The following PEMT variants were observed in gnomAD, a reference collection of about 807,000 sequenced individuals.
PEMT encodes phospholipid methyltransferase.
Under a neutral mutation model 27.4 loss-of-function variants are expected in PEMT, and 23 were observed. That is an observed-to-expected ratio of 0.84 (90% CI 0.60 to 1.19). The LOEUF is 1.19. PEMT is among the 50% of genes most tolerant of loss of function. The pLI, the probability that PEMT is intolerant of heterozygous loss-of-function variation, is 0.00. For synonymous variants in PEMT, 137 were observed against 139.1 expected, an observed-to-expected ratio of 0.98 and a Z score of 0.11; for missense variants, 307 against 310.1, an observed-to-expected ratio of 0.99 and a Z score of 0.07.
At chr17:17,576,441 C>T (rs1911594457) in intron 2 of PEMT, among the ~76,000 whole-genome samples, 2 of 152,222 alleles carry the variant, frequency 1.3e-5, no homozygotes, top group African/African-American at 4.8e-5. Flanking sequence ...AATGCGCAGG[C>T]CGTTTTGCAG....
chr17:17,573,123 A>G (rs1015776802), intron 2 of PEMT, among the ~76,000 whole-genome samples: 48 of 151,996 alleles, frequency 3.2e-4, no homozygotes, highest in Non-Finnish European at 3.7e-4. Context: ...TGGGAGGTGG[A>G]GGTTGCAGTG....
intron 4 of PEMT, 25 bp from the exon 5 acceptor site, chr17:17,509,570 C>T: frequency 6.6e-7 from 1 of 1,521,112 alleles, no homozygotes; most frequent in South Asian, 1.1e-5. Flanking sequence ...AGGCAGGGTC[C>T]CTCGGCTATT....
At chr17:17,548,395 G>A (rs930637313) in intron 2 of PEMT, among the ~76,000 whole-genome samples, 7 of 152,362 alleles carry the variant, frequency 4.6e-5, no homozygotes, top group Admixed American at 3.3e-4. Context: ...TGGAGACCAG[G>A]GGTCTGGGGG....
intron 5 of PEMT, among the ~76,000 whole-genome samples, chr17:17,506,801 C>A (rs1193717818): frequency 6.6e-6 from 1 of 152,226 alleles, no homozygotes; most frequent in Non-Finnish European, 1.5e-5. Context: ...GCCACAGGTG[C>A]AACCCCATGG....
intron 2 of PEMT, among the ~76,000 whole-genome samples, chr17:17,576,537 T>C (rs146629109): frequency 9.2e-5 from 14 of 152,306 alleles, no homozygotes; most frequent in African/African-American, 3.4e-4. Flanking sequence ...CTGTGTGACA[T>C]GGCAGAGAGG....
At chr17:17,560,837 C>G (rs1383507454) in intron 2 of PEMT, among the ~76,000 whole-genome samples, 1 of 151,446 alleles carries the variant, frequency 6.6e-6, no homozygotes, top group Non-Finnish European at 1.5e-5. Flanking sequence ...TCCTCCCCAC[C>G]TCCACCTCAC....
chr17:17,530,178 C>G (rs1277159194), intron 2 of PEMT, among the ~76,000 whole-genome samples: 1 of 152,258 alleles, frequency 6.6e-6, no homozygotes, highest in Non-Finnish European at 1.5e-5. Flanking sequence ...GACTATGGAA[C>G]CATGTAAATG....
chr17:17,563,912 C>T (rs779591096), intron 2 of PEMT, among the ~76,000 whole-genome samples: 1 of 152,204 alleles, frequency 6.6e-6, no homozygotes, highest in Non-Finnish European at 1.5e-5. Flanking sequence ...AGGGGAGTCT[C>T]TAGCACTCGG....
At chr17:17,576,029 G>C (rs951101979) in intron 2 of PEMT, among the ~76,000 whole-genome samples, 1 of 152,122 alleles carries the variant, frequency 6.6e-6, no homozygotes, top group African/African-American at 2.4e-5. Context: ...GATTAGCCTC[G>C]GGGGTGATCA....
intron 2 of PEMT, among the ~76,000 whole-genome samples, chr17:17,575,759 C>T (rs893444627): frequency 6.6e-6 from 1 of 152,220 alleles, no homozygotes; most frequent in African/African-American, 2.4e-5. Context: ...AAGCCCCTCC[C>T]TTGTGGGCCG....
chr17:17,588,020 A>C (rs1912408676), intron 1 of PEMT, among the ~76,000 whole-genome samples: 1 of 152,266 alleles, frequency 6.6e-6, no homozygotes, highest in African/African-American at 2.4e-5. Context: ...CCAGGAATCC[A>C]GAGCTAGTTC....
chr17:17,582,266 C>A lies in PEMT; in HGVS notation c.97-5239G>T. On this transcript the variant is annotated intron_variant, in intron 1 of 6. Coordinates refer to ENST00000255389, the MANE Select transcript of PEMT (RefSeq NM_148172.3). The surrounding 1 kb of genome is among the most constrained non-coding windows in gnomAD (Gnocchi z 4.9). Reference sequence around the variant, plus strand: ...CTGACTAAAGGAAAGGAGCTACCCACCACGGCCAGGAGGTCTGCTGAGCTG... The same window carrying A: ...CTGACTAAAGGAAAGGAGCTACCCAACACGGCCAGGAGGTCTGCTGAGCTG... The A allele has an allele frequency of 2.0e-6, 2 of 985,522 alleles. No homozygotes were observed. Among genetic ancestry groups the A allele is most frequent in the Non-Finnish European group, 1.2e-6 (1 of 829,992 alleles). 61.0% of individuals were successfully genotyped at this position (985,522 alleles called of 1,614,324 possible).
intron 2 of PEMT, among the ~76,000 whole-genome samples, chr17:17,548,050 G>C (rs1274189122): frequency 2.0e-5 from 3 of 152,222 alleles, no homozygotes; most frequent in Non-Finnish European, 2.9e-5. Flanking sequence ...ACAGCAGCGG[G>C]ATGTTCTATC....
chr17:17,564,868 G>A (rs1351809983), intron 2 of PEMT, among the ~76,000 whole-genome samples: 1 of 152,182 alleles, frequency 6.6e-6, no homozygotes, highest in Non-Finnish European at 1.5e-5. Context: ...TTGGGAGAAA[G>A]GCCTCCAGGA....
chr17:17,562,537 A>T (rs1910563410), intron 2 of PEMT, among the ~76,000 whole-genome samples: 1 of 152,252 alleles, frequency 6.6e-6, no homozygotes, highest in Non-Finnish European at 1.5e-5. Context: ...CTGGCCGGGC[A>T]CGGTGGCTCA....
chr17:17,509,349 G>C (rs1906162638), intron 5 of PEMT, 85 bp downstream of exon 5: 4 of 836,636 alleles, frequency 4.8e-6, no homozygotes, highest in Non-Finnish European at 7.9e-6. Context: ...CTCTCCAGGG[G>C]CCCTGGCCCC....
chr17:17,509,446 C>A lies in PEMT; in HGVS notation c.566G>T (p.Gly189Val), dbSNP rs1168193156. 6.2e-7 allele frequency: 1 copy of A among 1,611,206 alleles called. No homozygotes were observed. Among genetic ancestry groups the A allele is most frequent in the Non-Finnish European group, 8.5e-7 (1 of 1,177,518 alleles). The change falls in exon 5 of 7, where the codon GGC (glycine) becomes GTC (valine). Residue 189 changes from glycine to valine, a missense_variant. Gly to Val is a moderately radical substitution (Grantham distance 109). Coordinates refer to ENST00000255389, the MANE Select transcript of PEMT (RefSeq NM_148172.3). ...MYWGSTANYLGWAIMHASPTG... is the reference protein window; with the variant it reads ...MYWGSTANYLVWAIMHASPTG... Reference sequence around the variant, plus strand: ...GCCTGGTACTCACATGATGGCCCAGCCCAGGTAGTTGGCTGTGCTTCCCCA... The same window carrying A: ...GCCTGGTACTCACATGATGGCCCAGACCAGGTAGTTGGCTGTGCTTCCCCA...
intron 2 of PEMT, among the ~76,000 whole-genome samples, chr17:17,566,795 G>A (rs1025039855): frequency 5.3e-5 from 8 of 152,210 alleles, no homozygotes; most frequent in Non-Finnish European, 1.2e-4. Flanking sequence ...GGTCGCGAAC[G>A]AACCTCACCA....
At chr17:17,551,955 C>A (rs1005026922) in intron 2 of PEMT, among the ~76,000 whole-genome samples, 2 of 152,220 alleles carry the variant, frequency 1.3e-5, no homozygotes, top group Non-Finnish European at 2.9e-5. Context: ...GTAATCCTTG[C>A]ACTTTGGGAG....
Sources: gnomAD v4.1 joint callset for allele counts (sites outside exome capture counted in the v4.1 genomes callset) on GRCh38, gnomAD v4.1.1 for gene constraint, Gnocchi (gnomAD v3.1) non-coding constraint, MANE v1.5 for transcripts, NCBI Gene and HGNC (gene_info 2026-07-23, HGNC 2026-07-21) for gene names.